The following DEAF1 variants were observed in gnomAD, a reference collection of about 807,000 sequenced individuals.
DEAF1 encodes deformed epidermal autoregulatory factor 1 homolog.
DEAF1 carries 53 observed loss-of-function variants against 58.9 expected under a neutral mutation model. The ratio of observed to expected loss-of-function variants is 0.90; its 90% confidence interval spans 0.72 to 1.13. The LOEUF is 1.13. Ranked by LOEUF, DEAF1 falls within the 50% of genes most tolerant of loss-of-function variation. The probability of loss-of-function intolerance (pLI) is 0.00; values close to 1 mark genes in which losing one functional copy is unlikely to be tolerated. For missense variants in DEAF1, 685 were observed against 791.4 expected (o/e 0.87, Z 1.61); for synonymous variants, 385 against 340.4 (o/e 1.13, Z -1.44).
intron 10 of DEAF1, among the ~76,000 whole-genome samples, chr11:655,918 C>T (rs1181281572): frequency 6.6e-6 from 1 of 151,930 alleles, no homozygotes; most frequent in African/African-American, 2.4e-5. Flanking sequence ...CTGCAACCTC[C>T]ACCTCCTGGG....
At chr11:646,762 A>T (rs2133268067) in intron 11 of DEAF1, among the ~76,000 whole-genome samples, 1 of 152,366 alleles carries the variant, frequency 6.6e-6, no homozygotes, top group Non-Finnish European at 1.5e-5. Context: ...TTTGAAAAAA[A>T]AATCATTATC....
At position 681,078 on chromosome 11, in the gene DEAF1, G is replaced by C. The variant is rs35887544; in HGVS notation, c.882C>G (p.Val294=). 9.7e-3 allele frequency: 15,717 copies of C among 1,614,090 alleles called. 100 individuals are homozygous for C. Among genetic ancestry groups the C allele is most frequent in the Non-Finnish European group, 0.011 (13,150 of 1,180,026 alleles). ...CCDDMTLSGP[V]RLFVPYKRRK... is the part of the protein sequence containing the mutation. ...GCCTTTTGTAAGGCACAAAAAGCCTGACTGGGCCACTCTGGGGGAGAAAGG... is the reference window on the plus strand; with the variant it reads ...GCCTTTTGTAAGGCACAAAAAGCCTCACTGGGCCACTCTGGGGGAGAAAGG... The change falls in exon 7 of 12, where the codon GTC becomes GTG. Residue 294 remains valine (V), a synonymous_variant. Coordinates refer to ENST00000382409, the MANE Select transcript of DEAF1 (RefSeq NM_021008.4).
chr11:702,922 C>G (rs749830364), intron 1 of DEAF1: 1 of 1,491,056 alleles, frequency 6.7e-7, no homozygotes, highest in Admixed American at 1.8e-5. Context: ...ACCACCTTCC[C>G]TCCCCTTTGC....
intron 10 of DEAF1, among the ~76,000 whole-genome samples, chr11:673,429 G>C (rs1052446320): frequency 6.6e-6 from 1 of 152,262 alleles, no homozygotes; most frequent in South Asian, 2.1e-4. Context: ...TTGGGAGGCT[G>C]AGGCACAAGA....
Position 679,613 on chromosome 11 carries a change from A to G in DEAF1, c.1126+75T>C, listed in dbSNP as rs931260566. 12 of 1,597,942 alleles carry G rather than the reference A, an allele frequency of 7.5e-6. No individual in the cohort carries two copies. In the African/African-American group the frequency reaches 1.5e-4, roughly 20 times the overall value. On this transcript the variant is annotated intron_variant, in intron 8 of 11. Coordinates refer to ENST00000382409, the MANE Select transcript of DEAF1 (RefSeq NM_021008.4). The stretch of plus-strand genomic sequence containing the variant: ...GGCACCCAGCAGCCTATGCAGCCCA[A>G]TGTGGCGTCGGGGATGTGATGTCAC...
At position 695,079 on chromosome 11, in the gene DEAF1, G is replaced by A. The variant is rs965156264; in HGVS notation, c.-32C>T. The A allele has an allele frequency of 2.3e-5, 33 of 1,418,446 alleles. No homozygotes were observed. The highest frequency in any genetic ancestry group is 3.0e-5 in the Non-Finnish European group (33 of 1,087,968). 87.9% of individuals were successfully genotyped at this position (1,418,446 alleles called of 1,614,324 possible). On this transcript the variant is annotated 5_prime_UTR_variant, in exon 1 of 12. In the 5' UTR this introduces an upstream ATG that the reference lacks. Coordinates refer to ENST00000382409, the MANE Select transcript of DEAF1 (RefSeq NM_021008.4). ...TCCGCCGAGCCTTCCCGAAGGCGCC[G>A]TCCGGGACCGCCCGAAGCGCCGGTC...
At chr11:689,196 CTTTT>C (rs1160106310) in intron 2 of DEAF1, among the ~76,000 whole-genome samples, 112 of 135,776 alleles carry the variant, frequency 8.2e-4, no homozygotes, top group Non-Finnish European at 1.4e-3. Flanking sequence ...TTCTTTTTTT[CTTTT>C]TCTTTTTTTT....
chr11:680,044 C>A (rs945881917), intron 7 of DEAF1: 6 of 589,462 alleles, frequency 1.0e-5, no homozygotes, highest in Non-Finnish European at 1.5e-5. Flanking sequence ...ACCAATTGTT[C>A]GCTGTTTAAA....
Position 695,160 on chromosome 11 carries a change from A to G in DEAF1, c.-113T>C. The G allele has an allele frequency of 9.9e-7, 1 of 1,007,866 alleles. No individual in the cohort carries two copies. Among genetic ancestry groups the G allele is most frequent in the Non-Finnish European group, 1.3e-6 (1 of 762,194 alleles). The allele number at this position is 1,007,866 out of a possible 1,614,324, so 62.4% of individuals were successfully genotyped here. The stretch of plus-strand genomic sequence containing the variant: ...GCCCGAGCTGGGCCGAGGCCGCCCG[A>G]AGCCGCCGCCCGAATAGGGACCGAA... On this transcript the variant is annotated 5_prime_UTR_variant, in exon 1 of 12. Transcript: ENST00000382409.
Position 677,985 on chromosome 11 carries a change from T to C in DEAF1, c.1255+709A>G, listed in dbSNP as rs1860153802. Among the ~76,000 whole-genome samples the C allele has an allele frequency of 3.7e-5, 5 of 135,962 alleles. No individual in the cohort carries two copies. In the Admixed American group the frequency reaches 3.8e-4, roughly 10 times the overall value. The allele number at this position is 135,962 out of a possible 152,430, so 89.2% of individuals were successfully genotyped here. On this transcript the variant is annotated intron_variant, in intron 9 of 11. Transcript: ENST00000382409. ...CTCAAAAAAAAAAACAAAAAACGTATAATTATACAGAAATCTTGGCTGCAT... is the reference window on the plus strand; with the variant it reads ...CTCAAAAAAAAAAACAAAAAACGTACAATTATACAGAAATCTTGGCTGCAT...
chr11:654,577 C>T (rs542110957), intron 10 of DEAF1: 1 of 455,374 alleles, frequency 2.2e-6, no homozygotes, highest in South Asian at 1.5e-5. Flanking sequence ...CATTCATTCA[C>T]TGGAAGACCA....
intron 2 of DEAF1, chr11:689,832 G>C (rs1366791970): frequency 6.6e-6 from 1 of 152,190 alleles, no homozygotes; most frequent in Non-Finnish European, 1.5e-5. Context: ...GAGAAAACCA[G>C]CCTCAGGCAC....
intron 1 of DEAF1, 86 bp downstream of exon 1, chr11:694,673 G>A (rs1229783302): frequency 1.2e-5 from 14 of 1,214,156 alleles, no homozygotes; most frequent in Non-Finnish European, 1.5e-5. Context: ...GTGGCGGGCT[G>A]GTCACCTGGG....
intron 9 of DEAF1, 89 bp from the exon 10 acceptor site, chr11:674,872 C>A: frequency 1.3e-6 from 2 of 1,561,090 alleles, no homozygotes; most frequent in Non-Finnish European, 1.7e-6. Context: ...CAGCCGGGCG[C>A]GGTGGCTCAC....
At chr11:700,157 C>T (rs761193898), upstream of DEAF1, 16 of 1,614,178 alleles carry the variant, frequency 9.9e-6, no homozygotes, top group South Asian at 1.5e-4. Flanking sequence ...TTCAGTTCCC[C>T]TTCAAATGCT....
intron 6 of DEAF1, 107 bp from the exon 7 acceptor site, chr11:681,196 T>C: frequency 2.0e-6 from 3 of 1,471,220 alleles, no homozygotes; most frequent in Non-Finnish European, 1.9e-6. Flanking sequence ...AGTCACATGG[T>C]GAGACCACAT....
At chr11:706,383 G>T in intron 1 of DEAF1, 1 of 152,764 alleles carries the variant, frequency 6.5e-6, no homozygotes, top group South Asian at 2.1e-4. Flanking sequence ...ACACCGGGAC[G>T]AACGCGGCGT....
At chr11:682,999 G>C (rs1310688444) in intron 6 of DEAF1, among the ~76,000 whole-genome samples, 1 of 152,162 alleles carries the variant, frequency 6.6e-6, no homozygotes, top group Admixed American at 6.5e-5. Context: ...GAAAGGGAGG[G>C]AAGGAGCTGG....
At position 644,295 on chromosome 11, in the gene DEAF1, TG is replaced by T; in HGVS notation, c.*254del. The T allele has an allele frequency of 1.7e-6, 1 of 585,600 alleles. No homozygotes were observed. Among genetic ancestry groups the T allele is most frequent in the East Asian group, 2.9e-5 (1 of 34,532 alleles). The allele number at this position is 585,600 out of a possible 1,614,324, so 36.3% of individuals were successfully genotyped here. ...TGTATGTGCGTCGCAGCACAGGCCC[TG>T]TGGGCAAGACCGGACGCTCATGATC... On this transcript the variant is annotated 3_prime_UTR_variant, in exon 12 of 12. Transcript: ENST00000382409. This position sits in a 1 kb window ranked among gnomAD's most constrained non-coding sequence, Gnocchi z 4.3.
Sources: gnomAD v4.1 joint callset for allele counts (sites outside exome capture counted in the v4.1 genomes callset) on GRCh38, gnomAD v4.1.1 for gene constraint, Gnocchi (gnomAD v3.1) non-coding constraint, MANE v1.5 for transcripts, NCBI Gene and HGNC (gene_info 2026-07-23, HGNC 2026-07-21) for gene names.